Variants in PIP5K1A observed in about 807,000 individuals in gnomAD.
The protein encoded by PIP5K1A is phosphatidylinositol-4-phosphate 5-kinase type 1 alpha, also known as phosphatidylinositol 4-phosphate 5-kinase type-1 alpha.
In PIP5K1A, 46 loss-of-function variants were observed where a neutral mutation model predicts 72.9. The ratio of observed to expected loss-of-function variants is 0.63; its 90% CI spans 0.50 to 0.81. PIP5K1A has a LOEUF of 0.81. Among genes scored for constraint, PIP5K1A ranks in the 30% least tolerant of loss-of-function variants. PIP5K1A has a pLI of 0.00. For missense variants in PIP5K1A, 458 were observed against 706.1 expected, an observed-to-expected ratio of 0.65 and a Z score of 3.98; for synonymous variants, 228 against 255.1, an observed-to-expected ratio of 0.89 and a Z score of 1.01.
At position 151,198,724 on chromosome 1, in the gene PIP5K1A, C is replaced by G. The variant is rs587661025; in HGVS notation, c.-273C>G. On this transcript the variant is annotated 5_prime_UTR_variant, in exon 1 of 16. Transcript: ENST00000368888. ...TCCCAGCAGCCAGCTTAAGCTTACT[C>G]TTCTGTGAAAGGGGAAAGTATCCCC... 8 of 527,758 alleles carry G rather than the reference C, an allele frequency of 1.5e-5. No individual in the cohort carries two copies. Among genetic ancestry groups the G allele is most frequent in the African/African-American group, 1.3e-4 (7 of 52,762 alleles). The allele number at this position is 527,758 out of a possible 1,614,324, so 32.7% of individuals were successfully genotyped here. A position where few individuals can be genotyped will look rare whatever the true frequency, so the allele number is the denominator to read the frequency against.
At chr1:151,196,550 A>ATTTTTTTT (rs5777766), upstream of PIP5K1A, among the ~76,000 whole-genome samples, 39 of 114,740 alleles carry the variant, frequency 3.4e-4, no homozygotes, top group African/African-American at 1.2e-3. Flanking sequence ...ATGCATGGGG[A>ATTTTTTTT]TTTTTTTTTT....
intron 1 of PIP5K1A, among the ~76,000 whole-genome samples, chr1:151,206,281 A>T (rs1162954118): frequency 6.6e-6 from 1 of 152,160 alleles, no homozygotes; most frequent in Non-Finnish European, 1.5e-5. Flanking sequence ...ATTCCTGGAA[A>T]ATCTCTCTTG....
intron 1 of PIP5K1A, among the ~76,000 whole-genome samples, chr1:151,215,803 CA>C (rs955728301): frequency 4.6e-5 from 7 of 152,020 alleles, no homozygotes; most frequent in Non-Finnish European, 8.8e-5. Context: ...CCTAGAATTA[CA>C]AAAAAATCAT....
At chr1:151,222,491 T>G (rs1688519810) in intron 1 of PIP5K1A, among the ~76,000 whole-genome samples, 1 of 152,196 alleles carries the variant, frequency 6.6e-6, no homozygotes, top group Admixed American at 6.5e-5. Context: ...GTAGAAAGTT[T>G]CAGAGCCACT....
intron 10 of PIP5K1A, chr1:151,238,733 G>A (rs957448014): frequency 2.6e-5 from 6 of 233,354 alleles, no homozygotes; most frequent in African/African-American, 1.2e-4. Flanking sequence ...CCCCAGTTTT[G>A]TTCCTGTAAG....
intron 7 of PIP5K1A, 88 bp downstream of exon 7, chr1:151,232,791 A>C (rs587688555): frequency 2.4e-5 from 28 of 1,180,390 alleles, no homozygotes; most frequent in Middle Eastern, 1.9e-4. Context: ...AAACAGTGTC[A>C]GCACTTCTAT....
rs932167475 is a variant in PIP5K1A at position 151,249,391 on chromosome 1, G to A, written c.*1526G>A. On this transcript the variant is annotated 3_prime_UTR_variant, in exon 16 of 16. Transcript: ENST00000368888. ...GGAGGGAATATTTGAGGGAGGGCTG[G>A]GTCTTAGGGAAAGGAATGGGGAAGC... 2 of 151,914 alleles carry A rather than the reference G, an allele frequency of 1.3e-5. No homozygotes were observed. Among genetic ancestry groups the A allele is most frequent in the African/African-American group, 4.8e-5 (2 of 41,320 alleles). The allele number at this position is 151,914 out of a possible 1,614,324, so 9.4% of individuals were successfully genotyped here.
chr1:151,220,672 G>T (rs1447677200), intron 1 of PIP5K1A, among the ~76,000 whole-genome samples: 1 of 152,050 alleles, frequency 6.6e-6, no homozygotes, highest in Non-Finnish European at 1.5e-5. Flanking sequence ...TCGCCATGTT[G>T]GCAAGGCTGG....
chr1:151,246,395 A>C (rs1163722706), intron 14 of PIP5K1A, among the ~76,000 whole-genome samples: 1 of 152,158 alleles, frequency 6.6e-6, no homozygotes, highest in Non-Finnish European at 1.5e-5. Context: ...GGTTGTTGGC[A>C]GTATTCGGTT....
In PIP5K1A at chr1:151,248,030, C is replaced by A; in HGVS notation, c.*165C>A. 1 of 665,918 alleles carries A rather than the reference C, an allele frequency of 1.5e-6. No homozygotes were observed. Among genetic ancestry groups the A allele is most frequent in the South Asian group, 1.7e-5 (1 of 59,424 alleles). The allele number at this position is 665,918 out of a possible 1,614,324, so 41.3% of individuals were successfully genotyped here. ...CTCCATCTTCTTCCTGAAGAAGAAC[C>A]TTCTCTCCTTCCTCTTCCTCATGAA... On this transcript the variant is annotated 3_prime_UTR_variant, in exon 16 of 16. Coordinates refer to ENST00000368888, the MANE Select transcript of PIP5K1A (RefSeq NM_001135638.2).
chr1:151,246,340 C>T (rs990041641), intron 14 of PIP5K1A, among the ~76,000 whole-genome samples: 1 of 152,188 alleles, frequency 6.6e-6, no homozygotes, highest in East Asian at 1.9e-4. Context: ...GCTATTAGTC[C>T]AAAAGCTTAT....
chr1:151,199,195 G>C, intron 1 of PIP5K1A, 114 bp downstream of exon 1: 1 of 1,567,038 alleles, frequency 6.4e-7, no homozygotes, highest in Non-Finnish European at 8.6e-7. Context: ...CCGGTAAGTG[G>C]GCGCGAGCTG....
upstream of PIP5K1A, among the ~76,000 whole-genome samples, chr1:151,197,211 A>AC (rs1274804644): frequency 1.3e-5 from 2 of 151,250 alleles, no homozygotes; most frequent in Non-Finnish European, 2.9e-5. Context: ...CTTTATGAGG[A>AC]CCCACAAGAC....
chr1:151,210,306 C>A (rs1014886124), intron 1 of PIP5K1A, among the ~76,000 whole-genome samples: 2 of 151,826 alleles, frequency 1.3e-5, no homozygotes, highest in Non-Finnish European at 2.9e-5. Context: ...AGTGATCCTC[C>A]CACCTCAGCC....
intron 15 of PIP5K1A, among the ~76,000 whole-genome samples, chr1:151,247,412 C>G (rs1353656400): frequency 6.6e-6 from 1 of 151,930 alleles, no homozygotes. Flanking sequence ...CAGCCGTGAG[C>G]CATTGCACCC....
At chr1:151,244,654 T>C (rs2101709821) in intron 14 of PIP5K1A, among the ~76,000 whole-genome samples, 1 of 152,240 alleles carries the variant, frequency 6.6e-6, no homozygotes, top group South Asian at 2.1e-4. Context: ...AGACCCTGTC[T>C]CAAAAGAAAA....
chr1:151,229,013 C>G (rs1689583248), intron 4 of PIP5K1A, among the ~76,000 whole-genome samples: 2 of 151,006 alleles, frequency 1.3e-5, no homozygotes, highest in African/African-American at 2.4e-5. Flanking sequence ...ACTAAAAATA[C>G]AAAAATTAGC....
chr1:151,224,005 T>C (rs1688761355), intron 1 of PIP5K1A: 2 of 556,962 alleles, frequency 3.6e-6, no homozygotes, highest in Non-Finnish European at 6.3e-6. Context: ...AGAGAAAATA[T>C]GGATATTTGA....
chr1:151,230,232 T>C (rs896189838), intron 4 of PIP5K1A, among the ~76,000 whole-genome samples: 17 of 152,254 alleles, frequency 1.1e-4, no homozygotes, highest in Non-Finnish European at 2.5e-4. Flanking sequence ...TGAAATGTGC[T>C]GTATCTGTGC....
Sources: gnomAD v4.1 joint callset for allele counts (sites outside exome capture counted in the v4.1 genomes callset) on GRCh38, gnomAD v4.1.1 for gene constraint, MANE v1.5 for transcripts, NCBI Gene and HGNC (gene_info 2026-07-23, HGNC 2026-07-21) for gene names.